The following OR4K1 variants were observed in gnomAD, a reference collection of about 807,000 sequenced individuals.
The protein encoded by OR4K1 is olfactory receptor 4K1.
In OR4K1, 16 loss-of-function variants were observed where a neutral mutation model predicts 14.4. The observed-to-expected ratio is 1.11, with a 90% CI of 0.75 to 1.68. The LOEUF (loss-of-function observed/expected upper bound fraction) is 1.68. Ranked by LOEUF, OR4K1 falls within the 40% of genes most tolerant of loss-of-function variation. OR4K1 has a pLI of 0.00. For missense variants in OR4K1, 548 were observed against 376.9 expected, an observed-to-expected ratio of 1.45 and a Z score of -3.76; for synonymous variants, 181 against 133.1, an observed-to-expected ratio of 1.36 and a Z score of -2.48.
chr14:19,920,730 AATCT>A, the OR4K1 span: 1 of 1,614,122 alleles, frequency 6.2e-7, no homozygotes, highest in Non-Finnish European at 8.5e-7. Context: ...TGTGCTGGGA[AATCT>A]TCTCATTATC....
intron 1 of OR4K1, among the ~76,000 whole-genome samples, chr14:19,932,812 T>C (rs1408488068): frequency 6.6e-6 from 1 of 152,116 alleles, no homozygotes; most frequent in Non-Finnish European, 1.5e-5. Flanking sequence ...TGAGTACAAA[T>C]GCATGCCATA....
chr14:19,929,316 T>A (rs916742432), upstream of OR4K1, among the ~76,000 whole-genome samples: 3 of 149,554 alleles, frequency 2.0e-5, no homozygotes, highest in African/African-American at 7.3e-5. Flanking sequence ...TAGATATATA[T>A]AATTAAAATA....
chr14:19,928,511 G>A (rs1454140277), upstream of OR4K1, among the ~76,000 whole-genome samples: 2 of 152,110 alleles, frequency 1.3e-5, no homozygotes, highest in African/African-American at 4.8e-5. Flanking sequence ...ACTGACAATA[G>A]AAAGCTTTTT....
chr14:19,927,201 A>C (rs551588606), upstream of OR4K1, among the ~76,000 whole-genome samples: 1 of 152,374 alleles, frequency 6.6e-6, no homozygotes, highest in East Asian at 1.9e-4. Flanking sequence ...TTATGGCCTC[A>C]TGAGAGAGTT....
rs1882332528 is a variant in OR4K1 at position 19,936,571 on chromosome 14, G to A, written c.905G>A (p.Arg302Lys). The A allele has an allele frequency of 1.9e-6, 3 of 1,607,736 alleles. No individual in the cohort carries two copies. The highest frequency in any genetic ancestry group is 2.7e-5 in the African/African-American group (2 of 74,692). ...EDVKAAMWKL[R>K]NRHVNSWKN ...GTTAAAGCAGCCATGTGGAAGCTGAGAAACCGTCATGTGAACTCCTGGAAA... is the reference window on the plus strand; with the variant it reads ...GTTAAAGCAGCCATGTGGAAGCTGAAAAACCGTCATGTGAACTCCTGGAAA... Residue 302 changes from arginine (R) to lysine (K), a missense_variant, in exon 2 of 2, where the codon AGA (arginine) becomes AAA (lysine). Transcript: ENST00000641172.
the OR4K1 span, among the ~76,000 whole-genome samples, chr14:19,923,928 C>T: frequency 6.6e-6 from 1 of 152,124 alleles, no homozygotes; most frequent in Non-Finnish European, 1.5e-5. Context: ...GTTCTGTCTC[C>T]TGACTAGACT....
chr14:19,920,826 G>T, the OR4K1 span: 3 of 1,614,048 alleles, frequency 1.9e-6, no homozygotes. Context: ...CATTTGTCAG[G>T]CTTCTTTTGC....
chr14:19,921,101 C>T, the OR4K1 span: 1 of 1,614,168 alleles, frequency 6.2e-7, no homozygotes, highest in Non-Finnish European at 8.5e-7. Context: ...TTACTGTGAA[C>T]CTGCCTTTTT....
chr14:19,932,807 A>T (rs1245881578), intron 1 of OR4K1, among the ~76,000 whole-genome samples: 1 of 152,152 alleles, frequency 6.6e-6, no homozygotes, highest in African/African-American at 2.4e-5. Context: ...TTAAATGAGT[A>T]CAAATGCATG....
At chr14:19,925,451 T>C in the OR4K1 span, among the ~76,000 whole-genome samples, 4 of 152,272 alleles carry the variant, frequency 2.6e-5, no homozygotes, top group South Asian at 2.1e-4. Context: ...TTAATTAACA[T>C]ATTTCTCCCT....
the OR4K1 span, among the ~76,000 whole-genome samples, chr14:19,922,143 A>G: frequency 6.6e-6 from 1 of 151,992 alleles, no homozygotes; most frequent in African/African-American, 2.4e-5. Flanking sequence ...ATATGGAATG[A>G]TACATACTCA....
intron 1 of OR4K1, among the ~76,000 whole-genome samples, chr14:19,934,312 C>T (rs1259493629): frequency 6.6e-6 from 1 of 152,212 alleles, no homozygotes; most frequent in Non-Finnish European, 1.5e-5. Context: ...AGCAAATTTA[C>T]TTACTAGTTA....
chr14:19,935,691 G>A lies in OR4K1; in HGVS notation c.25G>A (p.Val9Met). 2 of 1,606,908 alleles carry A rather than the reference G, an allele frequency of 1.2e-6. No individual in the cohort carries two copies. The highest frequency in any genetic ancestry group is 8.5e-7 in the Non-Finnish European group (1 of 1,177,938). The change falls in exon 2 of 2, where the codon GTG becomes ATG. Residue 9 changes from valine (V) to methionine (M), a missense_variant. Coordinates refer to ENST00000641172, the MANE Select transcript of OR4K1 (RefSeq NM_001004063.3). ...CATGGCTCACACAAATGAATCGATG[G>A]TGTCTGAGTTTGTACTTTTGGGACT... Reference protein sequence around the residue: MAHTNESMVSEFVLLGLSN... With the variant: MAHTNESMMSEFVLLGLSN...
chr14:19,928,289 A>T (rs558686565), upstream of OR4K1, among the ~76,000 whole-genome samples: 114 of 152,146 alleles, frequency 7.5e-4, 1 homozygote, highest in Non-Finnish European at 1.2e-3. Flanking sequence ...TTATTTATTT[A>T]TTTTATTTAT....
In OR4K1 at chr14:19,936,566, G is replaced by A. The variant is rs370557685; in HGVS notation, c.900G>A (p.Lys300=). The stretch of plus-strand genomic sequence containing the variant: ...AAGATGTTAAAGCAGCCATGTGGAA[G>A]CTGAGAAACCGTCATGTGAACTCCT... ...RNEDVKAAMW[K]LRNRHVNSWK... is the part of the protein sequence containing the mutation. Residue 300 remains lysine (K), a synonymous_variant, in exon 2 of 2, where the codon AAG becomes AAA. Transcript: ENST00000641172. The A allele has an allele frequency of 6.2e-7, 1 of 1,608,200 alleles. No individual in the cohort carries two copies. Among genetic ancestry groups the A allele is most frequent in the South Asian group, 1.1e-5 (1 of 90,110 alleles).
At chr14:19,932,244 A>T (rs946362505) in intron 1 of OR4K1, among the ~76,000 whole-genome samples, 1 of 152,206 alleles carries the variant, frequency 6.6e-6, no homozygotes, top group Non-Finnish European at 1.5e-5. Context: ...TTGAAAAAGG[A>T]ATAATTCCAC....
Position 19,935,963 on chromosome 14 carries a change from C to T in OR4K1, c.297C>T (p.Ala99=). The change falls in exon 2 of 2, where the codon GCC becomes GCT. Residue 99 remains alanine (A), a synonymous_variant. Transcript: ENST00000641172. ...RKTISFEGCM[A]QIFVLHSFVG... ...CTATCTCCTTTGAGGGTTGCATGGCCCAGATATTCGTTCTTCACAGTTTTG... is the reference window on the plus strand; with the variant it reads ...CTATCTCCTTTGAGGGTTGCATGGCTCAGATATTCGTTCTTCACAGTTTTG... The T allele has an allele frequency of 6.2e-7, 1 of 1,614,172 alleles. No homozygotes were observed. The highest frequency in any genetic ancestry group is 8.5e-7 in the Non-Finnish European group (1 of 1,180,032).
In OR4K1 at chr14:19,936,112, GGGC is replaced by G; in HGVS notation, c.449_451del (p.Ala150del). 1 of 1,614,158 alleles carries G rather than the reference GGGC, an allele frequency of 6.2e-7. No homozygotes were observed. Among genetic ancestry groups the G allele is most frequent in the Non-Finnish European group, 8.5e-7 (1 of 1,180,044 alleles). ...TGTGTAATTTTTGTGTCTATTTCCT[GGGC>G]GGTGGGCGTTCTTCATTCTGTGAGC... is the stretch of plus-strand genomic sequence containing the variant. On this transcript the variant is annotated inframe_deletion, in exon 2 of 2. Coordinates refer to ENST00000641172, the MANE Select transcript of OR4K1 (RefSeq NM_001004063.3).
chr14:19,920,952 G>C, the OR4K1 span: 1 of 1,614,164 alleles, frequency 6.2e-7, no homozygotes, highest in Non-Finnish European at 8.5e-7. Context: ...GGTGCTACTT[G>C]TTTCGATGGC....
Sources: allele counts gnomAD v4.1 joint callset (sites outside exome capture counted in the v4.1 genomes callset), GRCh38; gene constraint gnomAD v4.1.1; transcripts MANE v1.5; gene names NCBI Gene and HGNC (gene_info 2026-07-23, HGNC 2026-07-21).